DPP10: variants seen among roughly 807,000 people sequenced by gnomAD.
The protein encoded by DPP10 is inactive dipeptidyl peptidase 10.
DPP10 carries 33 observed loss-of-function variants against 120.9 expected under a neutral mutation model. The ratio of observed to expected loss-of-function variants is 0.27; its 90% CI spans 0.21 to 0.37. DPP10 has a LOEUF of 0.37. DPP10 is among the 10% of genes least tolerant of loss of function. The pLI is 1.00. For synonymous variants in DPP10, 337 were observed against 326.1 expected, an observed-to-expected ratio of 1.03 and a Z score of -0.36; for missense variants, 816 against 942.8, an observed-to-expected ratio of 0.87 and a Z score of 1.76.
At chr2:115,503,355 TG>T (rs2076781431) in intron 4 of DPP10, among the ~76,000 whole-genome samples, 1 of 152,152 alleles carries the variant, frequency 6.6e-6, no homozygotes, top group South Asian at 2.1e-4. Flanking sequence ...GTTGTGCTGT[TG>T]GGTATATGGA....
chr2:115,438,083 T>G (rs1326150477), intron 3 of DPP10, among the ~76,000 whole-genome samples: 1 of 151,852 alleles, frequency 6.6e-6, no homozygotes, highest in East Asian at 1.9e-4. Context: ...AAATCTCAAA[T>G]TAAACAAAAA....
chr2:115,819,714 C>T (rs1449472518), intron 21 of DPP10, among the ~76,000 whole-genome samples: 2 of 152,142 alleles, frequency 1.3e-5, no homozygotes. Context: ...AGCACTTAGG[C>T]TGGGTTTGGT....
intron 1 of DPP10, among the ~76,000 whole-genome samples, chr2:114,655,367 T>C (rs138249972): frequency 2.0e-3 from 304 of 152,240 alleles, no homozygotes; most frequent in African/African-American, 6.8e-3. Context: ...AAGAAATTTC[T>C]GCTAAATTTC....
intron 19 of DPP10, among the ~76,000 whole-genome samples, chr2:115,794,985 TG>T (rs1575798095): frequency 6.6e-6 from 1 of 152,252 alleles, no homozygotes; most frequent in East Asian, 1.9e-4. Flanking sequence ...AATAGTTATT[TG>T]GGTTTGTTCA....
rs137910644 is a variant in DPP10 at position 114,970,043 on chromosome 2, A to G, written c.61-339196A>G. Among the ~76,000 whole-genome samples the G allele has an allele frequency of 2.5e-4, 38 of 152,160 alleles. 1 individual carries two copies. In the East Asian group the frequency reaches 4.7e-3, roughly 19 times the overall value. On this transcript the variant is annotated intron_variant, in intron 1 of 25. Coordinates refer to ENST00000410059, the MANE Select transcript of DPP10 (RefSeq NM_020868.6). Reference sequence around the variant, plus strand: ...TCCCACCCTTTATCCTACCCTAGGTATGGTTGAATGTCTAGGTTCTGCTTG... The same window carrying G: ...TCCCACCCTTTATCCTACCCTAGGTGTGGTTGAATGTCTAGGTTCTGCTTG...
intron 7 of DPP10, among the ~76,000 whole-genome samples, chr2:115,725,449 C>T (rs2092743931): frequency 6.6e-6 from 1 of 152,168 alleles, no homozygotes; most frequent in East Asian, 1.9e-4. Context: ...CATATTACAG[C>T]TTTCAGTGGC....
intron 1 of DPP10, among the ~76,000 whole-genome samples, chr2:114,651,186 C>T (rs1003129849): frequency 2.0e-5 from 3 of 152,106 alleles, no homozygotes; most frequent in Non-Finnish European, 2.9e-5. Flanking sequence ...TTTATTCCTA[C>T]GAACTAACAT....
chr2:115,497,298 T>A (rs1275260514), intron 3 of DPP10, among the ~76,000 whole-genome samples: 1 of 152,090 alleles, frequency 6.6e-6, no homozygotes, highest in Non-Finnish European at 1.5e-5. Flanking sequence ...TATTCTTGTT[T>A]CAAGGTTAAA....
intron 1 of DPP10, among the ~76,000 whole-genome samples, chr2:115,220,359 C>T (rs191121761): frequency 9.9e-4 from 150 of 152,182 alleles, no homozygotes; most frequent in African/African-American, 3.4e-3. Context: ...TTAGTTACCT[C>T]GTGTAGATCT....
chr2:114,713,753 G>A (rs1195075617), intron 1 of DPP10, among the ~76,000 whole-genome samples: 5 of 152,166 alleles, frequency 3.3e-5, no homozygotes, highest in South Asian at 2.1e-4. Context: ...CCCTTAGGGA[G>A]GCAGAGGTGG....
intron 1 of DPP10, among the ~76,000 whole-genome samples, chr2:114,768,058 G>A (rs775618052): frequency 6.6e-6 from 1 of 151,338 alleles, no homozygotes; most frequent in Non-Finnish European, 1.5e-5. Context: ...AACCCAGGAG[G>A]TGGAGGTGGC....
At chr2:115,478,305 GA>G (rs1182394982) in intron 3 of DPP10, among the ~76,000 whole-genome samples, 1 of 152,166 alleles carries the variant, frequency 6.6e-6, no homozygotes, top group Non-Finnish European at 1.5e-5. Context: ...CCTCAGTGAG[GA>G]AAAGACAGTA....
intron 3 of DPP10, among the ~76,000 whole-genome samples, chr2:115,351,000 G>C (rs542619908): frequency 6.6e-6 from 1 of 152,156 alleles, no homozygotes; most frequent in African/African-American, 2.4e-5. Context: ...ACTAGCATTG[G>C]ACTAGCAATC....
At chr2:114,574,161 A>G (rs373147461) in intron 1 of DPP10, among the ~76,000 whole-genome samples, 3 of 152,270 alleles carry the variant, frequency 2.0e-5, no homozygotes, top group East Asian at 3.9e-4. Context: ...GGGGCAGACC[A>G]TTTTACCACT....
intron 3 of DPP10, among the ~76,000 whole-genome samples, chr2:115,442,185 T>G (rs921297468): frequency 2.0e-5 from 3 of 152,052 alleles, no homozygotes; most frequent in Admixed American, 1.3e-4. Context: ...TCTGTTAAGG[T>G]CCTAGATTTA....
chr2:114,501,254 A>T (rs2104513698), intron 1 of DPP10, among the ~76,000 whole-genome samples: 1 of 152,280 alleles, frequency 6.6e-6, no homozygotes, highest in Admixed American at 6.5e-5. Flanking sequence ...TAATAATATT[A>T]CTTCAGAGGG....
chr2:115,525,192 T>C (rs1336634429), intron 4 of DPP10, among the ~76,000 whole-genome samples: 2 of 152,172 alleles, frequency 1.3e-5, no homozygotes, highest in Non-Finnish European at 2.9e-5. Flanking sequence ...ATCAACTCAA[T>C]GTGCTTGCCC....
chr2:115,273,090 G>A (rs1228966696), intron 1 of DPP10, among the ~76,000 whole-genome samples: 2 of 151,970 alleles, frequency 1.3e-5, no homozygotes, highest in African/African-American at 4.8e-5. Flanking sequence ...AGAGACAGAG[G>A]GACAAATAAT....
intron 1 of DPP10, among the ~76,000 whole-genome samples, chr2:114,769,518 AG>A (rs1681057788): frequency 6.6e-6 from 1 of 152,210 alleles, no homozygotes; most frequent in Non-Finnish European, 1.5e-5. Flanking sequence ...AGTATGCATG[AG>A]GAAGCAAGGT....
Sources: gnomAD v4.1 joint callset for allele counts (sites outside exome capture counted in the v4.1 genomes callset) on GRCh38, gnomAD v4.1.1 for gene constraint, MANE v1.5 for transcripts, NCBI Gene and HGNC (gene_info 2026-07-23, HGNC 2026-07-21) for gene names.